Variants in SLC24A3 observed in about 807,000 individuals in gnomAD.
SLC24A3 encodes solute carrier family 24 member 3.
Under a neutral mutation model 75.8 loss-of-function variants are expected in SLC24A3, and 28 were observed. The observed-to-expected ratio is 0.37, with a 90% CI of 0.27 to 0.51. The LOEUF (loss-of-function observed/expected upper bound fraction) is 0.51, where lower values mean the gene tolerates loss of function less well. Ranked by LOEUF, SLC24A3 falls within the 20% of genes least tolerant of loss-of-function variation. The pLI, the probability that SLC24A3 is intolerant of heterozygous loss-of-function variation, is 0.94. For missense variants in SLC24A3, 663 were observed against 847.8 expected (o/e 0.78, Z 2.71); for synonymous variants, 372 against 334.1 (o/e 1.11, Z -1.24).
At chr20:19,251,438 C>T (rs1982650763) in intron 1 of SLC24A3, among the ~76,000 whole-genome samples, 1 of 152,162 alleles carries the variant, frequency 6.6e-6, no homozygotes, top group South Asian at 2.1e-4. Context: ...GAAGCACACA[C>T]TCAGACAAGG....
chr20:19,599,899 G>A (rs772017300), intron 6 of SLC24A3, among the ~76,000 whole-genome samples: 1 of 152,166 alleles, frequency 6.6e-6, no homozygotes, highest in Non-Finnish European at 1.5e-5. Context: ...AAGCTTGAGA[G>A]GGGAACAGCC....
chr20:19,592,171 G>T (rs1360205987), intron 6 of SLC24A3, among the ~76,000 whole-genome samples: 1 of 152,144 alleles, frequency 6.6e-6, no homozygotes, highest in Non-Finnish European at 1.5e-5. Context: ...AGCACGAGTG[G>T]CACGTCACTG....
intron 2 of SLC24A3, among the ~76,000 whole-genome samples, chr20:19,283,397 T>A (rs1283015835): frequency 1.3e-5 from 2 of 152,220 alleles, no homozygotes; most frequent in Non-Finnish European, 2.9e-5. Flanking sequence ...TCAATTCAAG[T>A]GAATTCAAAC....
chr20:19,625,564 T>C (rs975428988), intron 6 of SLC24A3, among the ~76,000 whole-genome samples: 1 of 152,184 alleles, frequency 6.6e-6, no homozygotes, highest in African/African-American at 2.4e-5. Flanking sequence ...GGTCTGAATT[T>C]ACTAAGAAAA....
intron 3 of SLC24A3, among the ~76,000 whole-genome samples, chr20:19,564,332 A>C (rs185326982): frequency 1.3e-3 from 196 of 152,288 alleles, no homozygotes; most frequent in Non-Finnish European, 1.3e-3. Context: ...CTTGGATTGG[A>C]GTCACACAAA....
At chr20:19,498,268 G>C (rs918003455) in intron 2 of SLC24A3, among the ~76,000 whole-genome samples, 4 of 152,150 alleles carry the variant, frequency 2.6e-5, no homozygotes, top group Non-Finnish European at 5.9e-5. Flanking sequence ...AATAATAATA[G>C]AAATAAAGTA....
intron 2 of SLC24A3, among the ~76,000 whole-genome samples, chr20:19,433,603 A>AAC (rs1987141932): frequency 1.3e-5 from 2 of 152,258 alleles, no homozygotes; most frequent in Admixed American, 6.5e-5. Context: ...GGAATTTGGT[A>AAC]AGAGTGACTC....
intron 15 of SLC24A3, among the ~76,000 whole-genome samples, chr20:19,712,349 C>T (rs2033001545): frequency 6.6e-6 from 1 of 151,962 alleles, no homozygotes; most frequent in Non-Finnish European, 1.5e-5. Context: ...CAGGCATCTG[C>T]CCTCTGAGCA....
chr20:19,549,652 C>T (rs1600276390), intron 3 of SLC24A3, among the ~76,000 whole-genome samples: 1 of 152,078 alleles, frequency 6.6e-6, no homozygotes, highest in African/African-American at 2.4e-5. Flanking sequence ...GGTGTGTTGG[C>T]GGGCGTCTGT....
intron 3 of SLC24A3, among the ~76,000 whole-genome samples, chr20:19,548,348 A>T (rs1482891613): frequency 6.6e-6 from 1 of 152,232 alleles, no homozygotes; most frequent in Non-Finnish European, 1.5e-5. Flanking sequence ...TCTGTCATTA[A>T]TTAGAAATTT....
intron 6 of SLC24A3, among the ~76,000 whole-genome samples, chr20:19,602,787 C>A (rs2122654776): frequency 6.6e-6 from 1 of 152,302 alleles, no homozygotes; most frequent in East Asian, 1.9e-4. Flanking sequence ...AACCAGATGG[C>A]AAAGGCACGG....
intron 2 of SLC24A3, among the ~76,000 whole-genome samples, chr20:19,422,973 T>C (rs1986942634): frequency 6.6e-6 from 1 of 152,232 alleles, no homozygotes; most frequent in Admixed American, 6.5e-5. Flanking sequence ...TGTCACCTCC[T>C]GGCCATAAAA....
chr20:19,616,243 G>A (rs1429368007), intron 6 of SLC24A3, among the ~76,000 whole-genome samples: 1 of 152,236 alleles, frequency 6.6e-6, no homozygotes, highest in Non-Finnish European at 1.5e-5. Flanking sequence ...AGGGTGTGAT[G>A]TGGGCGAGGT....
chr20:19,495,441 T>A, intron 2 of SLC24A3, among the ~76,000 whole-genome samples: 1 of 152,246 alleles, frequency 6.6e-6, no homozygotes, highest in African/African-American at 2.4e-5. Flanking sequence ...GGTGGATACA[T>A]AAGTGAATGT....
At chr20:19,262,987 G>T (rs73278907) in intron 1 of SLC24A3, among the ~76,000 whole-genome samples, 2 of 150,648 alleles carry the variant, frequency 1.3e-5, no homozygotes, top group Non-Finnish European at 3.0e-5. Context: ...AGACAGACAC[G>T]CCCCTTTGTT....
intron 2 of SLC24A3, among the ~76,000 whole-genome samples, chr20:19,508,171 G>A (rs1226623983): frequency 6.6e-6 from 1 of 152,192 alleles, no homozygotes; most frequent in Non-Finnish European, 1.5e-5. Context: ...AAAAGTGGGA[G>A]CAACAGGCTT....
At chr20:19,720,652 G>A (rs546942019) in intron 16 of SLC24A3, among the ~76,000 whole-genome samples, 30 of 152,306 alleles carry the variant, frequency 2.0e-4, no homozygotes, top group African/African-American at 6.7e-4. Context: ...CTTAAAGCAA[G>A]ATGGGGAAGG....
intron 3 of SLC24A3, among the ~76,000 whole-genome samples, chr20:19,571,758 T>C (rs1431148723): frequency 6.6e-6 from 1 of 152,202 alleles, no homozygotes; most frequent in Non-Finnish European, 1.5e-5. Context: ...TCCCAAAGAC[T>C]TTCCCAATGC....
intron 2 of SLC24A3, among the ~76,000 whole-genome samples, chr20:19,346,384 G>GTA (rs1276959082): frequency 7.7e-6 from 1 of 129,230 alleles, no homozygotes; most frequent in Non-Finnish European, 1.6e-5. Context: ...TATATATATG[G>GTA]TATATATATG....
Sources: gnomAD v4.1 joint callset for allele counts (sites outside exome capture counted in the v4.1 genomes callset) on GRCh38, gnomAD v4.1.1 for gene constraint, MANE v1.5 for transcripts, NCBI Gene and HGNC (gene_info 2026-07-23, HGNC 2026-07-21) for gene names.